The following KCNMA1 variants were observed in gnomAD, a reference collection of about 807,000 sequenced individuals.
KCNMA1 encodes Calcium-activated potassium channel subunit alpha-1.
Under a neutral mutation model 140.0 loss-of-function variants are expected in KCNMA1, and 29 were observed. The observed-to-expected ratio is 0.21, with a 90% confidence interval of 0.15 to 0.28. The LOEUF (loss-of-function observed/expected upper bound fraction) is 0.28, where lower values mean the gene tolerates loss of function less well. Among genes scored for constraint, KCNMA1 ranks in the 10% least tolerant of loss-of-function variants. KCNMA1 has a pLI of 1.00. For missense variants in KCNMA1, 880 were observed against 1,602.2 expected, an observed-to-expected ratio of 0.55 and a Z score of 7.70; for synonymous variants, 612 against 611.9, an observed-to-expected ratio of 1.00 and a Z score of 0.00.
At chr10:77,128,972 G>A (rs1331460916) in intron 5 of KCNMA1, among the ~76,000 whole-genome samples, 2 of 152,182 alleles carry the variant, frequency 1.3e-5, no homozygotes, top group Non-Finnish European at 2.9e-5. Flanking sequence ...AAGGCTGCAA[G>A]GCAGTGGTCC....
chr10:77,428,596 T>C (rs2097078720), intron 1 of KCNMA1, among the ~76,000 whole-genome samples: 1 of 152,042 alleles, frequency 6.6e-6, no homozygotes, highest in Non-Finnish European at 1.5e-5. Flanking sequence ...AGAGGCTAAT[T>C]AGTCATGACA....
chr10:76,941,050 A>AAAGAAAGAAAGAAAGAAAG (rs1565059705), intron 23 of KCNMA1, among the ~76,000 whole-genome samples: 2 of 79,164 alleles, frequency 2.5e-5, no homozygotes, highest in Admixed American at 1.3e-4. Flanking sequence ...AGAAAGAAAG[A>AAAGAAAGAAAGAAAGAAAG]AAGAGAAAGA....
At chr10:77,550,635 G>C (rs937088065) in intron 1 of KCNMA1, among the ~76,000 whole-genome samples, 16 of 152,196 alleles carry the variant, frequency 1.1e-4, no homozygotes, top group African/African-American at 3.9e-4. Context: ...TCTCCCCAGG[G>C]AACCAGGCCG....
chr10:76,913,847 A>G, intron 24 of KCNMA1: 1 of 555,160 alleles, frequency 1.8e-6, no homozygotes, highest in South Asian at 2.5e-5. Context: ...TCAAAGGTTT[A>G]CTGATGCTGT....
At chr10:76,954,635 C>T (rs1227029063) in intron 20 of KCNMA1, among the ~76,000 whole-genome samples, 1 of 152,216 alleles carries the variant, frequency 6.6e-6, no homozygotes, top group Non-Finnish European at 1.5e-5. Context: ...CTTGCCTTGA[C>T]AACTGTATAT....
chr10:77,225,817 G>A (rs992644867), intron 3 of KCNMA1, among the ~76,000 whole-genome samples: 3 of 152,310 alleles, frequency 2.0e-5, no homozygotes, highest in Non-Finnish European at 2.9e-5. Flanking sequence ...CAGAACTGCC[G>A]AGGTCTGTCT....
chr10:76,912,627 A>T (rs2050821861), intron 24 of KCNMA1: 2 of 152,214 alleles, frequency 1.3e-5, no homozygotes, highest in Non-Finnish European at 2.9e-5. Context: ...AATGATGCTA[A>T]TCAAATACCA....
chr10:77,183,613 G>T (rs901142076), intron 4 of KCNMA1, 81 bp from the exon 5 acceptor site: 11 of 1,017,048 alleles, frequency 1.1e-5, no homozygotes, highest in Non-Finnish European at 1.7e-5. Flanking sequence ...TTTGTCAAAG[G>T]GTAAGTTTTG....
At chr10:77,623,664 C>G (rs2091946520) in intron 1 of KCNMA1, among the ~76,000 whole-genome samples, 1 of 151,482 alleles carries the variant, frequency 6.6e-6, no homozygotes, top group African/African-American at 2.4e-5. Context: ...GATCGTGACA[C>G]TGCACCCTAG....
At chr10:76,883,745 G>A (rs2035634395), downstream of KCNMA1, among the ~76,000 whole-genome samples, 1 of 128,480 alleles carries the variant, frequency 7.8e-6, no homozygotes, top group Admixed American at 7.8e-5. Context: ...TTTTTTTGCG[G>A]GAGGCAGTGA....
At chr10:77,060,661 G>C (rs2095708728) in intron 14 of KCNMA1, among the ~76,000 whole-genome samples, 1 of 152,162 alleles carries the variant, frequency 6.6e-6, no homozygotes, top group Non-Finnish European at 1.5e-5. Context: ...TTGGGGATGG[G>C]GGAATGAGGT....
At chr10:77,022,950 G>A (rs546380664) in intron 16 of KCNMA1, 2 of 455,140 alleles carry the variant, frequency 4.4e-6, no homozygotes, top group African/African-American at 2.0e-5. Flanking sequence ...GCAAAGTTGG[G>A]GCAATTGATT....
intron 9 of KCNMA1, among the ~76,000 whole-genome samples, chr10:77,099,362 T>C (rs1222602167): frequency 1.3e-5 from 2 of 152,178 alleles, no homozygotes; most frequent in African/African-American, 4.8e-5. Context: ...CCAACGGTGT[T>C]GCCACAGCTA....
At chr10:77,568,335 A>G (rs929805061) in intron 1 of KCNMA1, among the ~76,000 whole-genome samples, 18 of 152,358 alleles carry the variant, frequency 1.2e-4, no homozygotes, top group African/African-American at 3.4e-4. Flanking sequence ...AAAATCCTCA[A>G]TAAAATACTG....
chr10:76,939,760 C>G (rs2061502902), intron 23 of KCNMA1: 1 of 152,148 alleles, frequency 6.6e-6, no homozygotes, highest in Admixed American at 6.5e-5. Context: ...ATGGGAAATG[C>G]CATGGCATGC....
intron 20 of KCNMA1, among the ~76,000 whole-genome samples, chr10:76,964,111 A>T (rs2153086270): frequency 6.6e-6 from 1 of 151,702 alleles, no homozygotes; most frequent in East Asian, 2.0e-4. Context: ...CACTCTTCTG[A>T]TAATGATCAT....
intron 14 of KCNMA1, among the ~76,000 whole-genome samples, chr10:77,051,691 A>G (rs1237228085): frequency 6.6e-6 from 1 of 152,176 alleles, no homozygotes; most frequent in Non-Finnish European, 1.5e-5. Context: ...ACAGCAGGGA[A>G]GTGCCTAAGT....
intron 5 of KCNMA1, among the ~76,000 whole-genome samples, chr10:77,170,667 A>T (rs2098696248): frequency 6.6e-6 from 1 of 152,182 alleles, no homozygotes; most frequent in Non-Finnish European, 1.5e-5. Context: ...AATCTCCAAC[A>T]CACCCTGTAT....
At chr10:77,384,187 TGCCTCCATCACCCA>T (rs1449108551) in intron 2 of KCNMA1, among the ~76,000 whole-genome samples, 2 of 152,218 alleles carry the variant, frequency 1.3e-5, no homozygotes, top group Admixed American at 1.3e-4. Flanking sequence ...GCAAATACCG[TGCCTCCATCACCCA>T]GCTGTGATTT....
Sources: allele counts gnomAD v4.1 joint callset (sites outside exome capture counted in the v4.1 genomes callset), GRCh38; gene constraint gnomAD v4.1.1; transcripts MANE v1.5; gene names NCBI Gene and HGNC (gene_info 2026-07-23, HGNC 2026-07-21).